The following EBF1 variants were observed in gnomAD, a reference collection of about 807,000 sequenced individuals.
The protein encoded by EBF1 is transcription factor COE1.
EBF1 carries 10 observed loss-of-function variants against 68.4 expected under a neutral mutation model. The observed-to-expected ratio is 0.15, with a 90% confidence interval of 0.09 to 0.25. The LOEUF (loss-of-function observed/expected upper bound fraction) is 0.25, where lower values mean the gene tolerates loss of function less well. Ranked by LOEUF, EBF1 falls within the 10% of genes least tolerant of loss-of-function variation. The pLI is 1.00. For missense variants in EBF1, 509 were observed against 794.4 expected (o/e 0.64, Z 4.32); for synonymous variants, 298 against 299.8 (o/e 0.99, Z 0.06).
chr5:159,006,263 G>C (rs1445547208), intron 6 of EBF1, among the ~76,000 whole-genome samples: 1 of 152,108 alleles, frequency 6.6e-6, no homozygotes, highest in Non-Finnish European at 1.5e-5. Context: ...TGAAAAGGAA[G>C]GCCAGCTCTT....
chr5:158,790,156 G>A (rs1358464976), intron 9 of EBF1, among the ~76,000 whole-genome samples: 3 of 152,166 alleles, frequency 2.0e-5, no homozygotes, highest in Non-Finnish European at 2.9e-5. Context: ...CTTCACACAC[G>A]AGGAAACTTT....
At chr5:159,089,329 A>C (rs536196368) in intron 4 of EBF1, among the ~76,000 whole-genome samples, 15 of 152,318 alleles carry the variant, frequency 9.8e-5, no homozygotes, top group South Asian at 6.2e-4. Context: ...ATTATAAAGT[A>C]ACCTGTAATA....
chr5:159,084,506 A>G (rs1232471215), intron 5 of EBF1, among the ~76,000 whole-genome samples, 160 bp downstream of exon 5: 1 of 151,980 alleles, frequency 6.6e-6, no homozygotes, highest in Non-Finnish European at 1.5e-5. Context: ...CTGACACTTT[A>G]CTACCAAATA....
At chr5:158,852,713 G>A (rs1258306977) in intron 6 of EBF1, among the ~76,000 whole-genome samples, 1 of 152,184 alleles carries the variant, frequency 6.6e-6, no homozygotes, top group Non-Finnish European at 1.5e-5. Context: ...AATAGAGTCT[G>A]ACACTTTATT....
intron 6 of EBF1, among the ~76,000 whole-genome samples, chr5:159,031,601 A>G (rs562552550): frequency 6.6e-6 from 1 of 152,350 alleles, no homozygotes; most frequent in African/African-American, 2.4e-5. Context: ...TCTGTGGCAC[A>G]GTCACTAGCA....
intron 6 of EBF1, among the ~76,000 whole-genome samples, chr5:158,878,892 C>G (rs1798307453): frequency 1.3e-5 from 2 of 152,158 alleles, no homozygotes; most frequent in African/African-American, 4.8e-5. Flanking sequence ...GTTCCGCCTG[C>G]CTTAGCCTCC....
At chr5:159,016,044 C>T (rs948885875) in intron 6 of EBF1, among the ~76,000 whole-genome samples, 2 of 152,166 alleles carry the variant, frequency 1.3e-5, no homozygotes, top group Admixed American at 1.3e-4. Flanking sequence ...TTGTTAAATC[C>T]TTAGCATGTC....
chr5:158,965,425 A>G (rs1260662651), intron 6 of EBF1, among the ~76,000 whole-genome samples: 1 of 152,204 alleles, frequency 6.6e-6, no homozygotes, highest in South Asian at 2.1e-4. Context: ...TTGTACTTTC[A>G]TTCCTAGGAA....
intron 6 of EBF1, among the ~76,000 whole-genome samples, chr5:158,907,270 C>A (rs1047057954): frequency 6.6e-6 from 1 of 152,168 alleles, no homozygotes; most frequent in Non-Finnish European, 1.5e-5. Flanking sequence ...ACCACATACT[C>A]ACAGGGTGGC....
At chr5:159,022,657 T>C (rs951045268) in intron 6 of EBF1, among the ~76,000 whole-genome samples, 31 of 152,310 alleles carry the variant, frequency 2.0e-4, no homozygotes, top group African/African-American at 7.5e-4. Flanking sequence ...GCCTTGCAGT[T>C]TGTATATAAT....
intron 6 of EBF1, among the ~76,000 whole-genome samples, chr5:158,869,447 C>T (rs1250527008): frequency 6.6e-6 from 1 of 152,126 alleles, no homozygotes; most frequent in Non-Finnish European, 1.5e-5. Context: ...GGAATACCCG[C>T]CCCCGACCTT....
chr5:158,983,772 A>G (rs1386406752), intron 6 of EBF1: 1 of 152,212 alleles, frequency 6.6e-6, no homozygotes, highest in Admixed American at 6.5e-5. Flanking sequence ...AGGTATGACC[A>G]AATCTGAAAT....
chr5:158,963,320 T>A (rs574967682), intron 6 of EBF1, among the ~76,000 whole-genome samples: 1 of 152,360 alleles, frequency 6.6e-6, no homozygotes, highest in African/African-American at 2.4e-5. Flanking sequence ...AGATTTGCAA[T>A]GATACTTTGC....
intron 6 of EBF1, among the ~76,000 whole-genome samples, chr5:159,046,807 G>A (rs569631430): frequency 1.2e-4 from 18 of 152,250 alleles, no homozygotes; most frequent in East Asian, 1.2e-3. Context: ...GAGGGAGCCC[G>A]GCTCTGTAGT....
At chr5:158,775,135 G>C (rs1404067445) in intron 10 of EBF1, among the ~76,000 whole-genome samples, 2 of 151,830 alleles carry the variant, frequency 1.3e-5, no homozygotes, top group Admixed American at 6.6e-5. Context: ...TTCTAGGCTT[G>C]AAAATCCAAC....
At chr5:158,865,541 G>A (rs2084266199) in intron 6 of EBF1, among the ~76,000 whole-genome samples, 1 of 152,176 alleles carries the variant, frequency 6.6e-6, no homozygotes, top group Non-Finnish European at 1.5e-5. Context: ...TGATGATGAT[G>A]ATAATGGTGA....
intron 14 of EBF1, among the ~76,000 whole-genome samples, chr5:158,710,011 A>C (rs561956625): frequency 6.6e-6 from 1 of 152,316 alleles, no homozygotes; most frequent in African/African-American, 2.4e-5. Context: ...TAACATTATT[A>C]GTTATCAGCC....
intron 7 of EBF1, among the ~76,000 whole-genome samples, chr5:158,837,370 T>C (rs1269925589): frequency 2.6e-5 from 4 of 152,242 alleles, no homozygotes; most frequent in Non-Finnish European, 5.9e-5. Context: ...GTTTGTCACA[T>C]GGATTTTCTC....
rs370847900 is a variant in EBF1 at position 158,893,214 on chromosome 5, A to T, written c.555-53104T>A. 3.8e-4 allele frequency among the ~76,000 whole-genome samples: 58 copies of T among 152,324 alleles called. No homozygotes were observed. In the South Asian group the frequency reaches 0.012, roughly 32 times the overall value. On this transcript the variant is annotated intron_variant, in intron 6 of 15. Coordinates refer to ENST00000313708, the MANE Select transcript of EBF1 (RefSeq NM_024007.5). The stretch of plus-strand genomic sequence containing the variant: ...GCTCAACCATCAGTTCCAAATTTAT[A>T]TTCAATTTTGGGAATATATATTATT...
Sources: gnomAD v4.1 joint callset for allele counts (sites outside exome capture counted in the v4.1 genomes callset) on GRCh38, gnomAD v4.1.1 for gene constraint, MANE v1.5 for transcripts, NCBI Gene and HGNC (gene_info 2026-07-23, HGNC 2026-07-21) for gene names.